Variants in PDIA6 observed in about 807,000 individuals in gnomAD.
The protein encoded by PDIA6 is protein disulfide-isomerase A6.
PDIA6 carries 29 observed loss-of-function variants against 58.4 expected under a neutral mutation model. The observed-to-expected ratio is 0.50, with a 90% CI of 0.37 to 0.68. The LOEUF (loss-of-function observed/expected upper bound fraction) is 0.68. PDIA6 is among the 30% of genes least tolerant of loss of function. The pLI is 0.00. For synonymous variants in PDIA6, 192 were observed against 202.6 expected, an observed-to-expected ratio of 0.95 and a Z score of 0.44; for missense variants, 480 against 551.0, an observed-to-expected ratio of 0.87 and a Z score of 1.29.
upstream of PDIA6, among the ~76,000 whole-genome samples, chr2:10,817,497 T>C (rs767587308): frequency 2.6e-5 from 4 of 152,348 alleles, no homozygotes; most frequent in African/African-American, 4.8e-5. Context: ...AAAATCAAAG[T>C]TGCAGATTCT....
intron 4 of PDIA6, 72 bp downstream of exon 4, chr2:10,797,009 G>A (rs931900336): frequency 1.5e-6 from 2 of 1,333,372 alleles, no homozygotes; most frequent in African/African-American, 1.4e-5. Flanking sequence ...GGTAGAGCAG[G>A]TTCTCAAGCT....
In PDIA6 at chr2:10,812,762, GCCGCGCCC is replaced by G; in HGVS notation, c.-74_-67del. On this transcript the variant is annotated 5_prime_UTR_variant, in exon 1 of 13. Coordinates refer to ENST00000272227, the MANE Select transcript of PDIA6 (RefSeq NM_005742.4). ...GCTTCAGCCCTGCAGCGTGCCGCACGCCGCGCCCCCGCGCCCACGTCCCGCCCCAGGCC... is the reference window on the plus strand; with the variant it reads ...GCTTCAGCCCTGCAGCGTGCCGCACGCCGCGCCCACGTCCCGCCCCAGGCC... 7.4e-7 allele frequency: 1 copy of G among 1,354,886 alleles called. No homozygotes were observed. The allele number at this position is 1,354,886 out of a possible 1,614,324, so 83.9% of individuals were successfully genotyped here. A position where few individuals can be genotyped will look rare whatever the true frequency, so the allele number is the denominator to read the frequency against.
chr2:10,808,852 G>A (rs1190402218), intron 1 of PDIA6, among the ~76,000 whole-genome samples: 2 of 152,010 alleles, frequency 1.3e-5, no homozygotes, highest in African/African-American at 4.8e-5. Context: ...TTGAGACGGC[G>A]TCTCACTCAG....
chr2:10,821,230 C>G (rs1667381912), intron 1 of PDIA6: 2 of 197,026 alleles, frequency 1.0e-5, no homozygotes, highest in South Asian at 1.8e-4. Flanking sequence ...CAAAGCTCAC[C>G]CTCGTCTGTT....
chr2:10,832,924 G>GC (rs909963594), upstream of PDIA6, among the ~76,000 whole-genome samples: 7 of 150,066 alleles, frequency 4.7e-5, no homozygotes, highest in African/African-American at 7.5e-5. Context: ...CCCACCCCCC[G>GC]CCCCCCCAGC....
Position 10,837,562 on chromosome 2 carries a change from G to T in PDIA6, c.44C>A (p.Ser15Ter). ...CCGTGCAAGTATCATCAACTCATTT[G>T]ATCCTCGGGACACTTTGGAGGCAGG... Residue 15 changes from serine to a stop codon, truncating the protein, a stop_gained, in exon 1 of 14, where the codon TCA becomes TAA. Transcript: ENST00000404824. LOFTEE classifies it high-confidence loss of function. 2.6e-6 allele frequency: 2 copies of T among 767,998 alleles called. No homozygotes were observed. Among genetic ancestry groups the T allele is most frequent in the Non-Finnish European group, 4.5e-6 (2 of 444,598 alleles). 47.6% of individuals were successfully genotyped at this position (767,998 alleles called of 1,614,324 possible). A position where few individuals can be genotyped will look rare whatever the true frequency, so the allele number is the denominator to read the frequency against.
chr2:10,790,030 G>C (rs1375388217), intron 7 of PDIA6, 141 bp from the exon 8 acceptor site: 1 of 658,020 alleles, frequency 1.5e-6, no homozygotes, highest in Admixed American at 3.1e-5. Flanking sequence ...CCAGGCTGGA[G>C]AGCACAGGTG....
chr2:10,789,616 T>C, intron 8 of PDIA6, 133 bp downstream of exon 8: 2 of 746,938 alleles, frequency 2.7e-6, no homozygotes, highest in South Asian at 2.4e-5. Context: ...TTTTTTTCCA[T>C]TTCAAAGTAT....
At chr2:10,836,842 T>A (rs913521168), upstream of PDIA6, among the ~76,000 whole-genome samples, 1 of 152,126 alleles carries the variant, frequency 6.6e-6, no homozygotes, top group Admixed American at 6.5e-5. Context: ...GGGACCTGTG[T>A]CTCAGGGTAG....
intron 1 of PDIA6, among the ~76,000 whole-genome samples, chr2:10,820,273 C>T (rs746676446): frequency 7.2e-5 from 11 of 152,194 alleles, no homozygotes; most frequent in Non-Finnish European, 1.0e-4. Flanking sequence ...ATAGATGAGT[C>T]GCTGGGGAGG....
intron 1 of PDIA6, among the ~76,000 whole-genome samples, chr2:10,825,964 A>G (rs1667545511): frequency 6.6e-6 from 1 of 152,104 alleles, no homozygotes; most frequent in Non-Finnish European, 1.5e-5. Context: ...CAGAAATTCC[A>G]CTCCTAGGCA....
intron 2 of PDIA6, among the ~76,000 whole-genome samples, chr2:10,801,308 A>G (rs1666502751): frequency 6.6e-6 from 1 of 152,272 alleles, no homozygotes; most frequent in East Asian, 1.9e-4. Flanking sequence ...TCAGACATTC[A>G]GTCACCCAAA....
rs542342020 is a variant in PDIA6, at chr2:10,806,632, A to C, written c.20-3992T>G. ...ACATCTCCTAAAAAATAAAGACAGAAAGAAAGAAAGAAAGAAAAACGTTAC... is the reference window on the plus strand; with the variant it reads ...ACATCTCCTAAAAAATAAAGACAGACAGAAAGAAAGAAAGAAAAACGTTAC... On this transcript the variant is annotated intron_variant, in intron 1 of 12. Transcript: ENST00000272227. Among the ~76,000 whole-genome samples the C allele has an allele frequency of 2.1e-4, 26 of 121,142 alleles. 1 individual carries two copies. The highest frequency in any genetic ancestry group is 6.2e-4 in the South Asian group (2 of 3,238). 79.5% of individuals were successfully genotyped at this position (121,142 alleles called of 152,430 possible). A position where few individuals can be genotyped will look rare whatever the true frequency, so the allele number is the denominator to read the frequency against.
At chr2:10,832,045 G>T (rs1338679598) in intron 1 of PDIA6, among the ~76,000 whole-genome samples, 1 of 147,074 alleles carries the variant, frequency 6.8e-6, no homozygotes, top group African/African-American at 2.5e-5. Context: ...AAAGAGGAGA[G>T]AATTCATTTC....
At chr2:10,807,009 T>C (rs1666795294) in intron 1 of PDIA6, among the ~76,000 whole-genome samples, 1 of 152,192 alleles carries the variant, frequency 6.6e-6, no homozygotes, top group African/African-American at 2.4e-5. Flanking sequence ...TTAAAGAAAT[T>C]TCTATTCCTG....
chr2:10,808,849 G>A (rs1471708501), intron 1 of PDIA6, among the ~76,000 whole-genome samples: 2 of 151,592 alleles, frequency 1.3e-5, no homozygotes, highest in African/African-American at 2.4e-5. Context: ...TTTTTGAGAC[G>A]GCGTCTCACT....
chr2:10,785,258 A>G, intron 11 of PDIA6: 1 of 518,818 alleles, frequency 1.9e-6, no homozygotes, highest in South Asian at 2.3e-5. Context: ...TGCATCAGAT[A>G]AAGTCAGTTG....
chr2:10,796,144 T>C (rs941739267), intron 4 of PDIA6, among the ~76,000 whole-genome samples: 35 of 151,570 alleles, frequency 2.3e-4, no homozygotes, highest in Non-Finnish European at 2.6e-4. Flanking sequence ...AGCTCCGCCT[T>C]CCGGGTTCAC....
At chr2:10,826,145 G>A (rs547655175) in intron 1 of PDIA6, among the ~76,000 whole-genome samples, 1 of 152,302 alleles carries the variant, frequency 6.6e-6, no homozygotes, top group South Asian at 2.1e-4. Context: ...GCTATTAAAA[G>A]GAAGGAAGCG....
Sources: gnomAD v4.1 joint callset for allele counts (sites outside exome capture counted in the v4.1 genomes callset) on GRCh38, gnomAD v4.1.1 for gene constraint, MANE v1.5 for transcripts, NCBI Gene and HGNC (gene_info 2026-07-23, HGNC 2026-07-21) for gene names.